The following ST8SIA1 variants were observed in gnomAD, a reference collection of about 807,000 sequenced individuals.
The protein encoded by ST8SIA1 is alpha-N-acetylneuraminide alpha-2,8-sialyltransferase.
ST8SIA1 carries 16 observed loss-of-function variants against 35.9 expected under a neutral mutation model. That is an observed-to-expected ratio of 0.45 (90% CI 0.30 to 0.68). The LOEUF is 0.68. Ranked by LOEUF, ST8SIA1 falls within the 30% of genes least tolerant of loss-of-function variation. The pLI is 0.09. For missense variants in ST8SIA1, 383 were observed against 453.6 expected, an observed-to-expected ratio of 0.84 and a Z score of 1.41; for synonymous variants, 170 against 169.6, an observed-to-expected ratio of 1.00 and a Z score of -0.02.
At chr12:22,241,171 T>C (rs978476553) in intron 4 of ST8SIA1, among the ~76,000 whole-genome samples, 6 of 152,102 alleles carry the variant, frequency 3.9e-5, no homozygotes, top group African/African-American at 1.4e-4. Flanking sequence ...GTTTTTATTA[T>C]TTTCTGTAGA....
rs577765105 is a variant in ST8SIA1 at position 22,280,988 on chromosome 12, T to A, written c.381+6161A>T. On this transcript the variant is annotated intron_variant, in intron 2 of 4. Transcript: ENST00000396037. The stretch of plus-strand genomic sequence containing the variant: ...TGTAACATTCTCTGTTACTACTTTA[T>A]GTTTCCCGAAATCCCAGCTTCAACA... Among the ~76,000 whole-genome samples the A allele has an allele frequency of 3.3e-5, 5 of 152,388 alleles. No homozygotes were observed. In the East Asian group the frequency reaches 7.7e-4, roughly 23 times the overall value.
chr12:22,269,664 T>C (rs1396723533), intron 2 of ST8SIA1, among the ~76,000 whole-genome samples: 1 of 152,214 alleles, frequency 6.6e-6, no homozygotes, highest in African/African-American at 2.4e-5. Flanking sequence ...GTGGCAGAGC[T>C]AAGAAGGTAG....
rs116525997 is a variant in ST8SIA1 at position 22,206,273 on chromosome 12, G to A, written c.585-4235C>T. ...TCAAAAAAACAGACAGTTTACCAAAGGAAACCAGAGCATGAAGGAACTTGT... is the reference window on the plus strand; with the variant it reads ...TCAAAAAAACAGACAGTTTACCAAAAGAAACCAGAGCATGAAGGAACTTGT... On this transcript the variant is annotated intron_variant, in intron 4 of 4. Transcript: ENST00000396037. 4.8e-3 allele frequency among the ~76,000 whole-genome samples: 734 copies of A among 152,218 alleles called. 10 individuals are homozygous for A. Among genetic ancestry groups the A allele is most frequent in the African/African-American group, 0.017 (701 of 41,538 alleles).
chr12:22,276,887 T>C (rs1865975119), intron 2 of ST8SIA1, among the ~76,000 whole-genome samples: 1 of 152,156 alleles, frequency 6.6e-6, no homozygotes, highest in Middle Eastern at 3.4e-3. Flanking sequence ...TGGCCATCTA[T>C]GTCATTCAAC....
Position 22,241,882 on chromosome 12 carries a change from C to T in ST8SIA1, c.584+7124G>A, listed in dbSNP as rs541031636. Among the ~76,000 whole-genome samples the T allele has an allele frequency of 5.9e-5, 9 of 152,186 alleles. No individual in the cohort carries two copies. In the East Asian group the frequency reaches 1.4e-3, roughly 23 times the overall value. ...CTCTCATTTTATTCCTCCTCCCCCC[C>T]ATAAACTTCCAGACCTTCAAACTCC... On this transcript the variant is annotated intron_variant, in intron 4 of 4. Transcript: ENST00000396037.
intron 1 of ST8SIA1, among the ~76,000 whole-genome samples, chr12:22,319,846 T>G (rs775653482): frequency 1.3e-5 from 2 of 152,126 alleles, no homozygotes; most frequent in Non-Finnish European, 2.9e-5. Flanking sequence ...GGAGGTGTGT[T>G]GATCTGACCA....
At chr12:22,269,252 T>G (rs1038006625) in intron 2 of ST8SIA1, among the ~76,000 whole-genome samples, 3 of 152,152 alleles carry the variant, frequency 2.0e-5, no homozygotes, top group South Asian at 2.1e-4. Flanking sequence ...CAGGGTTGTT[T>G]TTTTTTTATA....
chr12:22,316,664 T>C (rs1372122819), intron 1 of ST8SIA1, among the ~76,000 whole-genome samples: 1 of 152,118 alleles, frequency 6.6e-6, no homozygotes, highest in Non-Finnish European at 1.5e-5. Flanking sequence ...AACATAAACG[T>C]AAGCAGTCAT....
intron 2 of ST8SIA1, among the ~76,000 whole-genome samples, chr12:22,284,931 TA>T (rs948736176): frequency 2.0e-5 from 3 of 152,034 alleles, no homozygotes; most frequent in South Asian, 2.1e-4. Context: ...TCCTCATCTA[TA>T]AAAAAAAGCT....
chr12:22,334,606 C>T lies in ST8SIA1; in HGVS notation c.-374G>A. The T allele has an allele frequency of 3.4e-6, 1 of 290,798 alleles. No individual in the cohort carries two copies. The highest frequency in any genetic ancestry group is 4.0e-5 in the South Asian group (1 of 24,994). 18.0% of individuals were successfully genotyped at this position (290,798 alleles called of 1,614,324 possible). A position where few individuals can be genotyped will look rare whatever the true frequency, so the allele number is the denominator to read the frequency against. Reference sequence around the variant, plus strand: ...CTCGGCGAGGGTCCGGGAGAAGGCTCGGCTCCCTCCTAAACATGTGGCCCG... The same window carrying T: ...CTCGGCGAGGGTCCGGGAGAAGGCTTGGCTCCCTCCTAAACATGTGGCCCG... On this transcript the variant is annotated 5_prime_UTR_variant, in exon 1 of 5. Coordinates refer to ENST00000396037, the MANE Select transcript of ST8SIA1 (RefSeq NM_003034.4).
intron 1 of ST8SIA1, among the ~76,000 whole-genome samples, chr12:22,320,755 A>G (rs1051970716): frequency 6.6e-6 from 1 of 151,234 alleles, no homozygotes; most frequent in South Asian, 2.1e-4. Context: ...GGTTTCCTTG[A>G]GCCCAGCAGG....
intron 4 of ST8SIA1, among the ~76,000 whole-genome samples, chr12:22,214,959 C>A (rs902258697): frequency 6.6e-6 from 1 of 152,174 alleles, no homozygotes; most frequent in African/African-American, 2.4e-5. Flanking sequence ...CAGCCTGACA[C>A]TTGATTCTAT....
chr12:22,314,744 G>T (rs191335061), intron 1 of ST8SIA1, among the ~76,000 whole-genome samples: 43 of 152,184 alleles, frequency 2.8e-4, no homozygotes, highest in Non-Finnish European at 4.6e-4. Context: ...ACTCTAGACT[G>T]GGCTCTCGGC....
chr12:22,308,578 T>C (rs1490714964), intron 1 of ST8SIA1, among the ~76,000 whole-genome samples: 1 of 152,220 alleles, frequency 6.6e-6, no homozygotes, highest in Non-Finnish European at 1.5e-5. Context: ...AAAATCTCTC[T>C]GATTTTGACA....
At chr12:22,291,280 T>G (rs1322660960) in intron 1 of ST8SIA1, among the ~76,000 whole-genome samples, 1 of 152,192 alleles carries the variant, frequency 6.6e-6, no homozygotes, top group African/African-American at 2.4e-5. Flanking sequence ...GTTATGACGC[T>G]TTCAGATGCC....
At chr12:22,311,668 C>A (rs1331871609) in intron 1 of ST8SIA1, among the ~76,000 whole-genome samples, 1 of 152,054 alleles carries the variant, frequency 6.6e-6, no homozygotes, top group Non-Finnish European at 1.5e-5. Context: ...AATACAAAAT[C>A]ATCAACACTA....
chr12:22,281,014 C>T (rs1051746415), intron 2 of ST8SIA1, among the ~76,000 whole-genome samples: 1 of 152,176 alleles, frequency 6.6e-6, no homozygotes, highest in South Asian at 2.1e-4. Context: ...AGCTTCAACA[C>T]CTTTATTTCT....
At chr12:22,281,844 A>G (rs1021063899) in intron 2 of ST8SIA1, among the ~76,000 whole-genome samples, 1 of 151,304 alleles carries the variant, frequency 6.6e-6, no homozygotes, top group African/African-American at 2.4e-5. Context: ...AAATACAATA[A>G]AAAAAATACA....
chr12:22,220,848 T>A (rs1305992438), intron 4 of ST8SIA1, among the ~76,000 whole-genome samples: 2 of 152,192 alleles, frequency 1.3e-5, no homozygotes, highest in African/African-American at 4.8e-5. Flanking sequence ...TATGTCTGGT[T>A]TTTCTGGACA....
Sources: gnomAD v4.1 joint callset for allele counts (sites outside exome capture counted in the v4.1 genomes callset) on GRCh38, gnomAD v4.1.1 for gene constraint, MANE v1.5 for transcripts, NCBI Gene and HGNC (gene_info 2026-07-23, HGNC 2026-07-21) for gene names.